Variants in NPAS3 observed in about 807,000 individuals in gnomAD.
The protein encoded by NPAS3 is neuronal PAS domain protein 3, also known as neuronal PAS domain-containing protein 3.
A neutral mutation model predicts 73.1 loss-of-function variants in NPAS3; 14 were observed. The observed-to-expected ratio is 0.19, with a 90% CI of 0.13 to 0.30. The LOEUF is 0.30. Among genes scored for constraint, NPAS3 ranks in the 10% least tolerant of loss-of-function variants. NPAS3 has a pLI of 1.00. For synonymous variants in NPAS3, 620 were observed against 541.5 expected, an observed-to-expected ratio of 1.14 and a Z score of -2.01; for missense variants, 1,096 against 1,250.0, an observed-to-expected ratio of 0.88 and a Z score of 1.86.
At chr14:33,503,403 T>C (rs2052610190) in intron 4 of NPAS3, among the ~76,000 whole-genome samples, 1 of 151,950 alleles carries the variant, frequency 6.6e-6, no homozygotes. Flanking sequence ...GAAGATAATG[T>C]ATGAAAACAT....
chr14:33,692,698 T>C (rs1168556805), intron 6 of NPAS3, among the ~76,000 whole-genome samples: 1 of 152,084 alleles, frequency 6.6e-6, no homozygotes, highest in Non-Finnish European at 1.5e-5. Flanking sequence ...GCAGAGCCTC[T>C]AGGAGACTAA....
intron 3 of NPAS3, among the ~76,000 whole-genome samples, chr14:33,331,484 C>T (rs1001584097): frequency 2.0e-5 from 3 of 152,114 alleles, no homozygotes; most frequent in African/African-American, 4.8e-5. Context: ...TGACTATATA[C>T]CAAATTGGCC....
At chr14:33,654,146 A>G (rs1028028521) in intron 5 of NPAS3, among the ~76,000 whole-genome samples, 2 of 151,478 alleles carry the variant, frequency 1.3e-5, no homozygotes, top group South Asian at 2.1e-4. Flanking sequence ...TGGGTTAGGA[A>G]CAAAACCTTA....
chr14:33,377,384 A>C (rs1341045840), intron 4 of NPAS3, among the ~76,000 whole-genome samples: 1 of 152,216 alleles, frequency 6.6e-6, no homozygotes, highest in East Asian at 1.9e-4. Flanking sequence ...TAAACACCCA[A>C]TCAGAAATCC....
chr14:32,938,486 T>TGAGAGAGAGAGAGAGAGAGAGAGA (rs369330767), upstream of NPAS3, among the ~76,000 whole-genome samples: 39 of 55,906 alleles, frequency 7.0e-4, 3 homozygotes, highest in East Asian at 2.1e-3. Context: ...AGAGAGAAAT[T>TGAGAGAGAGAGAGAGAGAGAGAGA]GAGAGAGAGA....
At chr14:32,935,045 G>T, upstream of NPAS3, 1 of 1,193,610 alleles carries the variant, frequency 8.4e-7, no homozygotes, top group Non-Finnish European at 1.1e-6. Context: ...CCCCGCCCCG[G>T]GGTGCTGGGG....
chr14:32,936,627 C>T (rs925630613), upstream of NPAS3, among the ~76,000 whole-genome samples: 26 of 152,246 alleles, frequency 1.7e-4, no homozygotes, highest in African/African-American at 6.3e-4. Flanking sequence ...TCAGAAATGT[C>T]AGATGGCCTT....
chr14:33,133,906 C>T (rs2043733958), intron 2 of NPAS3, among the ~76,000 whole-genome samples: 1 of 152,082 alleles, frequency 6.6e-6, no homozygotes, highest in South Asian at 2.1e-4. Flanking sequence ...CTGTAGAAAA[C>T]AAGTTGTACA....
At chr14:32,936,321 AAG>A (rs1180953843), upstream of NPAS3, among the ~76,000 whole-genome samples, 1 of 150,858 alleles carries the variant, frequency 6.6e-6, no homozygotes, top group African/African-American at 2.4e-5. Context: ...TTTTTTTTTA[AAG>A]AGTTTGGAAA....
At chr14:33,380,920 G>A (rs1167341474) in intron 4 of NPAS3, among the ~76,000 whole-genome samples, 1 of 151,958 alleles carries the variant, frequency 6.6e-6, no homozygotes, top group Non-Finnish European at 1.5e-5. Flanking sequence ...TTCATTTTAG[G>A]TTGATACAAT....
intron 2 of NPAS3, among the ~76,000 whole-genome samples, chr14:33,163,623 GTTTTT>G (rs71448290): frequency 2.1e-4 from 23 of 110,610 alleles, no homozygotes; most frequent in Non-Finnish European, 4.1e-4. Context: ...GTGTTTTGTT[GTTTTT>G]TTTTTTTTTT....
chr14:33,774,257 T>C (rs1212628650), intron 7 of NPAS3, 80 bp from the exon 8 acceptor site: 2 of 1,096,186 alleles, frequency 1.8e-6, no homozygotes, highest in East Asian at 4.8e-5. Context: ...CCAGATGTAA[T>C]TTTGCATTTC....
At chr14:33,736,568 C>A (rs74374663) in intron 7 of NPAS3, among the ~76,000 whole-genome samples, 1 of 152,118 alleles carries the variant, frequency 6.6e-6, no homozygotes, top group Non-Finnish European at 1.5e-5. Flanking sequence ...TATTGCCCTG[C>A]CTTGCTGCAT....
At chr14:32,986,762 G>C (rs1365158259) in intron 1 of NPAS3, among the ~76,000 whole-genome samples, 1 of 152,234 alleles carries the variant, frequency 6.6e-6, no homozygotes, top group Non-Finnish European at 1.5e-5. Flanking sequence ...TTGTAGCTTT[G>C]ATTGAGCTGG....
intron 4 of NPAS3, among the ~76,000 whole-genome samples, chr14:33,508,588 G>A (rs1188422916): frequency 6.6e-6 from 1 of 151,914 alleles, no homozygotes; most frequent in Non-Finnish European, 1.5e-5. Context: ...CCACACACAG[G>A]GCTCACACAA....
intron 3 of NPAS3, among the ~76,000 whole-genome samples, chr14:33,314,452 A>G (rs568989885): frequency 6.6e-6 from 1 of 152,056 alleles, no homozygotes; most frequent in Non-Finnish European, 1.5e-5. Flanking sequence ...TAGTGTCTAT[A>G]AAGTTGGGAT....
In NPAS3 at chr14:33,328,446, C is replaced by CTTTTTTTTTTTTTTTT. The variant is rs58411120; in HGVS notation, c.386-38717_386-38702dup. Among the ~76,000 whole-genome samples the CTTTTTTTTTTTTTTTT allele has an allele frequency of 4.4e-4, 22 of 49,598 alleles. 8 individuals are homozygous for CTTTTTTTTTTTTTTTT. The highest frequency in any genetic ancestry group is 8.2e-4 in the Non-Finnish European group (22 of 26,756). The allele number at this position is 49,598 out of a possible 152,430, so 32.5% of individuals were successfully genotyped here. A position where few individuals can be genotyped will look rare whatever the true frequency, so the allele number is the denominator to read the frequency against. ...TTTATCTTTCTTTTCCTTTTCTTTT[C>CTTTTTTTTTTTTTTTT]TTTTTTTTTTTTTTTTTTTTTTTTT... On this transcript the variant is annotated intron_variant, in intron 3 of 11. Transcript: ENST00000356141.
chr14:33,780,110 G>A (rs1280768356), intron 9 of NPAS3, among the ~76,000 whole-genome samples: 1 of 152,196 alleles, frequency 6.6e-6, no homozygotes, highest in Admixed American at 6.5e-5. Flanking sequence ...ACCAAGTTCA[G>A]TGTCAGAATC....
At position 33,335,613 on chromosome 14, in the gene NPAS3, G is replaced by C. The variant is rs550859235; in HGVS notation, c.386-31573G>C. Among the ~76,000 whole-genome samples the C allele has an allele frequency of 2.0e-5, 3 of 152,282 alleles. No homozygotes were observed. The South Asian group carries it at 6.2e-4, about 32-fold the overall frequency. On this transcript the variant is annotated intron_variant, in intron 3 of 11. Transcript: ENST00000356141. ...CCCTGGTCAGGGTTGGAAGTTCCCA[G>C]GCCAGTTTGCATCATACTGCTAAGT...
Sources: allele counts gnomAD v4.1 joint callset (sites outside exome capture counted in the v4.1 genomes callset), GRCh38; gene constraint gnomAD v4.1.1; transcripts MANE v1.5; gene names NCBI Gene and HGNC (gene_info 2026-07-23, HGNC 2026-07-21).